KIAA1217: variants seen among roughly 807,000 people sequenced by gnomAD.
The protein encoded by KIAA1217 is sickle tail protein homolog.
KIAA1217 carries 88 observed loss-of-function variants against 163.9 expected under a neutral mutation model. The observed-to-expected ratio is 0.54, with a 90% CI of 0.45 to 0.64. The LOEUF (loss-of-function observed/expected upper bound fraction) is 0.64. KIAA1217 is among the 30% of genes least tolerant of loss of function. The pLI is 0.00. For synonymous variants in KIAA1217, 903 were observed against 923.1 expected, an observed-to-expected ratio of 0.98 and a Z score of 0.39; for missense variants, 2,372 against 2,475.0, an observed-to-expected ratio of 0.96 and a Z score of 0.88.
intron 2 of KIAA1217, among the ~76,000 whole-genome samples, chr10:24,198,651 TTC>T (rs2067105208): frequency 6.6e-6 from 1 of 151,078 alleles, no homozygotes; most frequent in Non-Finnish European, 1.5e-5. Flanking sequence ...GAAATGGGGA[TTC>T]AGAGACAATA....
At chr10:24,502,240 C>CTTTTTTTTT (rs772404852) in intron 9 of KIAA1217, among the ~76,000 whole-genome samples, 8 of 80,628 alleles carry the variant, frequency 9.9e-5, no homozygotes, top group Non-Finnish European at 1.5e-4. Context: ...GTCAGCCAAG[C>CTTTTTTTTT]TTTTTTTTTT....
At chr10:23,697,886 A>C (rs1273579234) in intron 1 of KIAA1217, among the ~76,000 whole-genome samples, 1 of 152,084 alleles carries the variant, frequency 6.6e-6, no homozygotes, top group Non-Finnish European at 1.5e-5. Flanking sequence ...CAAAAAAAAA[A>C]AAAAGTGTAC....
chr10:24,384,190 G>A (rs1277096100), intron 3 of KIAA1217, among the ~76,000 whole-genome samples: 2 of 152,166 alleles, frequency 1.3e-5, no homozygotes, highest in Admixed American at 6.5e-5. Flanking sequence ...GCATCTGTAT[G>A]TTGTCACTTT....
intron 1 of KIAA1217, among the ~76,000 whole-genome samples, chr10:23,924,878 T>C (rs1043828762): frequency 3.0e-5 from 4 of 134,422 alleles, no homozygotes; most frequent in Non-Finnish European, 5.9e-5. Context: ...TTAGCTGTTA[T>C]GGAAAAAAAA....
At chr10:24,192,777 GTTTC>G (rs1363692223) in intron 2 of KIAA1217, among the ~76,000 whole-genome samples, 1 of 152,156 alleles carries the variant, frequency 6.6e-6, no homozygotes, top group Admixed American at 6.5e-5. Context: ...GTTATTTGGT[GTTTC>G]TTTATTTATC....
At chr10:24,338,278 A>G (rs1010798018) in intron 2 of KIAA1217, among the ~76,000 whole-genome samples, 1 of 152,214 alleles carries the variant, frequency 6.6e-6, no homozygotes, top group Non-Finnish European at 1.5e-5. Context: ...GGTTGAACCC[A>G]TACATATATC....
chr10:23,738,525 A>G (rs1838932633), intron 1 of KIAA1217, among the ~76,000 whole-genome samples: 2 of 152,146 alleles, frequency 1.3e-5, no homozygotes, highest in Non-Finnish European at 2.9e-5. Context: ...TTGTTGTTAC[A>G]TATTTCATTT....
intron 1 of KIAA1217, among the ~76,000 whole-genome samples, chr10:23,863,522 C>T (rs1840051260): frequency 1.3e-5 from 2 of 152,162 alleles, no homozygotes; most frequent in South Asian, 4.1e-4. Flanking sequence ...GGTTCATCGT[C>T]TCTTGCCTTT....
At chr10:23,918,765 C>CACAT (rs1554823730) in intron 1 of KIAA1217, among the ~76,000 whole-genome samples, 9 of 150,174 alleles carry the variant, frequency 6.0e-5, no homozygotes, top group Non-Finnish European at 8.9e-5. Flanking sequence ...CACACACACA[C>CACAT]ATATATAGTA....
At chr10:24,338,240 G>T (rs186664683) in intron 2 of KIAA1217, among the ~76,000 whole-genome samples, 1 of 152,138 alleles carries the variant, frequency 6.6e-6, no homozygotes, top group Non-Finnish European at 1.5e-5. Flanking sequence ...AAAGAGGCCC[G>T]AGACAGCTAT....
chr10:23,864,795 G>A (rs9988698), intron 1 of KIAA1217, among the ~76,000 whole-genome samples: 1,911 of 152,182 alleles, frequency 0.013, 54 homozygotes, highest in African/African-American at 0.044. Flanking sequence ...TATGGGGGCT[G>A]ACAAATCCAA....
intron 5 of KIAA1217, among the ~76,000 whole-genome samples, chr10:24,452,557 C>G (rs1171762508): frequency 6.6e-6 from 1 of 151,064 alleles, no homozygotes; most frequent in Non-Finnish European, 1.5e-5. Context: ...TGGCGGGCGC[C>G]TGTAGTCCCA....
chr10:24,146,225 CT>C (rs2064304313), intron 2 of KIAA1217, among the ~76,000 whole-genome samples: 1 of 122,632 alleles, frequency 8.2e-6, no homozygotes, highest in African/African-American at 3.9e-5. Flanking sequence ...TCCCTGCATG[CT>C]TTTCTTTGTA....
chr10:23,927,814 T>C (rs1843089484), intron 1 of KIAA1217, among the ~76,000 whole-genome samples: 2 of 152,206 alleles, frequency 1.3e-5, no homozygotes, highest in African/African-American at 2.4e-5. Context: ...AAGATTCTTT[T>C]TCAGGCTTAC....
At chr10:24,510,161 G>A (rs10764475) in intron 9 of KIAA1217, among the ~76,000 whole-genome samples, 44,620 of 152,016 alleles carry the variant, frequency 0.29, 6,806 homozygotes, top group Middle Eastern at 0.39. Context: ...AAATTGATGA[G>A]TTGAATTCAG....
At chr10:23,700,029 A>G (rs904310087) in intron 1 of KIAA1217, among the ~76,000 whole-genome samples, 4 of 152,200 alleles carry the variant, frequency 2.6e-5, no homozygotes, top group East Asian at 1.9e-4. Flanking sequence ...TAGAACTGGA[A>G]TCTTAATCAT....
At chr10:23,963,586 G>C (rs1589150113) in intron 1 of KIAA1217, among the ~76,000 whole-genome samples, 1 of 152,166 alleles carries the variant, frequency 6.6e-6, no homozygotes, top group Non-Finnish European at 1.5e-5. Context: ...AGAGGTGCAT[G>C]CATCTTTATA....
intron 2 of KIAA1217, among the ~76,000 whole-genome samples, chr10:24,094,675 G>T (rs1329176187): frequency 6.6e-6 from 1 of 152,324 alleles, no homozygotes; most frequent in South Asian, 2.1e-4. Flanking sequence ...CTGCTCGGGG[G>T]TCAGGGGTCA....
chr10:24,019,978 AC>A (rs1847664319), intron 2 of KIAA1217, among the ~76,000 whole-genome samples: 1 of 152,112 alleles, frequency 6.6e-6, no homozygotes. Flanking sequence ...ACATCAAGAT[AC>A]ATTACTGTGA....
Sources: gnomAD v4.1 joint callset for allele counts (sites outside exome capture counted in the v4.1 genomes callset) on GRCh38, gnomAD v4.1.1 for gene constraint, MANE v1.5 for transcripts, NCBI Gene and HGNC (gene_info 2026-07-23, HGNC 2026-07-21) for gene names.